PIK3C2G: variants seen among roughly 807,000 people sequenced by gnomAD.
The protein encoded by PIK3C2G is phosphatidylinositol 3-kinase C2 domain-containing subunit gamma.
PIK3C2G carries 168 observed loss-of-function variants against 181.1 expected under a neutral mutation model. That is an observed-to-expected ratio of 0.93 (90% CI 0.82 to 1.05). The LOEUF (loss-of-function observed/expected upper bound fraction) is 1.05, where lower values mean the gene tolerates loss of function less well. PIK3C2G is among the 50% of genes least tolerant of loss of function. The probability of loss-of-function intolerance (pLI) is 0.00; values close to 1 mark genes in which losing one functional copy is unlikely to be tolerated. For missense variants in PIK3C2G, 1,869 were observed against 1,732.8 expected (o/e 1.08, Z -1.40); for synonymous variants, 573 against 592.2 (o/e 0.97, Z 0.47).
chr12:18,700,786 G>C, the PIK3C2G span, among the ~76,000 whole-genome samples: 2 of 152,000 alleles, frequency 1.3e-5, no homozygotes, highest in African/African-American at 2.4e-5. Flanking sequence ...AGCTGGATTG[G>C]TTTTGTGTCA....
Position 18,282,228 on chromosome 12 carries a change from C to T in PIK3C2G, c.147C>T (p.Gly49=), listed in dbSNP as rs1949250818. 10 of 1,613,564 alleles carry T rather than the reference C, an allele frequency of 6.2e-6. No homozygotes were observed. The highest frequency in any genetic ancestry group is 7.6e-6 in the Non-Finnish European group (9 of 1,179,696). ...ATCAGATAGTAGATGAGATCAGTGG[C>T]AAAATTCCACACTACGAGAGTGAAA... is the stretch of plus-strand genomic sequence containing the variant. The part of the protein sequence containing the change: ...GFDQIVDEIS[G]KIPHYESEID... The change falls in exon 2 of 33, where the codon GGC becomes GGT. Residue 49 remains glycine, a synonymous_variant. Coordinates refer to ENST00000538779, the MANE Select transcript of PIK3C2G (RefSeq NM_001288772.2).
intron 29 of PIK3C2G, among the ~76,000 whole-genome samples, chr12:18,587,311 T>C (rs1184860890): frequency 2.0e-5 from 3 of 152,102 alleles, no homozygotes; most frequent in Non-Finnish European, 2.9e-5. Flanking sequence ...AAAAACCCCA[T>C]TGTCTCAGCC....
chr12:18,515,567 G>A (rs143233044), intron 24 of PIK3C2G, among the ~76,000 whole-genome samples: 8 of 151,988 alleles, frequency 5.3e-5, no homozygotes, highest in Non-Finnish European at 1.2e-4. Context: ...CAGTCGTAAT[G>A]TCCCTTTCAA....
chr12:18,677,008 C>T, the PIK3C2G span, among the ~76,000 whole-genome samples: 1 of 152,034 alleles, frequency 6.6e-6, no homozygotes, highest in African/African-American at 2.4e-5. Context: ...AGATATTTGT[C>T]ATAAATCACC....
chr12:18,399,767 G>A lies in PIK3C2G; in HGVS notation c.2235G>A (p.Arg745=). 3 of 1,608,006 alleles carry A rather than the reference G, an allele frequency of 1.9e-6. No individual in the cohort carries two copies. Among genetic ancestry groups the A allele is most frequent in the East Asian group, 4.5e-5 (2 of 44,808 alleles). The change falls in exon 16 of 33, where the codon AGG becomes AGA. Residue 745 remains arginine, a synonymous_variant. Transcript: ENST00000538779. ...VLGSAPGWDE[R]TVSEMHTILR... is the part of the protein sequence containing the mutation. ...GTAGTGCCCCTGGATGGGATGAAAG[G>A]ACTGTTTCAGAAATGCATACCATTT... is the stretch of plus-strand genomic sequence containing the variant.
At chr12:18,550,902 A>G (rs930764455) in intron 26 of PIK3C2G, among the ~76,000 whole-genome samples, 44 of 152,004 alleles carry the variant, frequency 2.9e-4, no homozygotes, top group African/African-American at 9.2e-4. Flanking sequence ...TCTTGACCCT[A>G]TTTGAGACTT....
chr12:18,623,187 T>A (rs2136677292), intron 31 of PIK3C2G, among the ~76,000 whole-genome samples: 1 of 151,998 alleles, frequency 6.6e-6, no homozygotes, highest in East Asian at 1.9e-4. Context: ...ATCTTATATT[T>A]AAGTCTTTAA....
chr12:18,708,032 T>A, the PIK3C2G span, among the ~76,000 whole-genome samples: 1 of 152,208 alleles, frequency 6.6e-6, no homozygotes, highest in African/African-American at 2.4e-5. Context: ...GCAGCTAAAA[T>A]CTATTCATTC....
chr12:18,610,855 A>G (rs1191019936), intron 31 of PIK3C2G, among the ~76,000 whole-genome samples: 1 of 152,140 alleles, frequency 6.6e-6, no homozygotes, highest in African/African-American at 2.4e-5. Context: ...ATATATGAAA[A>G]TTAGTCTTGA....
intron 1 of PIK3C2G, among the ~76,000 whole-genome samples, chr12:18,279,232 T>G (rs1344810990): frequency 6.6e-6 from 1 of 152,038 alleles, no homozygotes; most frequent in Non-Finnish European, 1.5e-5. Context: ...AATACATTTT[T>G]TTGTTGCTCA....
At chr12:18,493,437 T>A (rs904999638) in intron 20 of PIK3C2G, 27 of 152,270 alleles carry the variant, frequency 1.8e-4, no homozygotes, top group African/African-American at 5.3e-4. Flanking sequence ...ATGATAAGCA[T>A]GGAAATGTGT....
At chr12:18,490,431 A>T (rs1940455185) in intron 19 of PIK3C2G, among the ~76,000 whole-genome samples, 1 of 152,190 alleles carries the variant, frequency 6.6e-6, no homozygotes, top group Non-Finnish European at 1.5e-5. Context: ...AAATTTTTCT[A>T]CCATAGTTAC....
chr12:18,574,679 G>A (rs1399750255), intron 29 of PIK3C2G, among the ~76,000 whole-genome samples: 2 of 152,102 alleles, frequency 1.3e-5, no homozygotes, highest in Admixed American at 1.3e-4. Context: ...ATATCATGTT[G>A]CACATACAGA....
At chr12:18,584,101 T>A (rs1277780663) in intron 29 of PIK3C2G, among the ~76,000 whole-genome samples, 13 of 151,250 alleles carry the variant, frequency 8.6e-5, no homozygotes, top group Non-Finnish European at 1.8e-4. Context: ...TGATCTCGGC[T>A]CACCACAAGG....
At chr12:18,435,966 CAA>C (rs763425326) in intron 18 of PIK3C2G, among the ~76,000 whole-genome samples, 34 of 99,948 alleles carry the variant, frequency 3.4e-4, no homozygotes, top group African/African-American at 1.1e-3. Context: ...CTACAAGTAA[CAA>C]AAAAAAAAAA....
intron 18 of PIK3C2G, among the ~76,000 whole-genome samples, chr12:18,461,859 T>C (rs1350702814): frequency 6.6e-6 from 1 of 152,176 alleles, no homozygotes; most frequent in African/African-American, 2.4e-5. Context: ...GGTATTTTGT[T>C]ATAGCAGACT....
At chr12:18,650,999 A>G (rs1399248909), downstream of PIK3C2G, among the ~76,000 whole-genome samples, 1 of 151,786 alleles carries the variant, frequency 6.6e-6, no homozygotes, top group Non-Finnish European at 1.5e-5. Context: ...CTTCTGTTCA[A>G]AACTCTGCAG....
chr12:18,668,122 A>G, the PIK3C2G span, among the ~76,000 whole-genome samples: 2 of 152,176 alleles, frequency 1.3e-5, no homozygotes, highest in East Asian at 3.9e-4. Flanking sequence ...CCCAACTTGT[A>G]TTATCTTAAT....
rs1209178377 is a variant in PIK3C2G, at chr12:18,467,080, T to C, written c.2505-21369T>C. Among the ~76,000 whole-genome samples the C allele has an allele frequency of 2.0e-5, 3 of 152,180 alleles. No homozygotes were observed. In the South Asian group the frequency reaches 6.2e-4, roughly 32 times the overall value. On this transcript the variant is annotated intron_variant, in intron 18 of 32. Coordinates refer to ENST00000538779, the MANE Select transcript of PIK3C2G (RefSeq NM_001288772.2). The stretch of plus-strand genomic sequence containing the variant: ...TAGAAGAATAAATTCTAAATAACTT[T>C]ACTATTGTCATTCATAGTGTATTAG...
Sources: gnomAD v4.1 joint callset for allele counts (sites outside exome capture counted in the v4.1 genomes callset) on GRCh38, gnomAD v4.1.1 for gene constraint, MANE v1.5 for transcripts, NCBI Gene and HGNC (gene_info 2026-07-23, HGNC 2026-07-21) for gene names.